The following LRRC7 variants were observed in gnomAD, a reference collection of about 807,000 sequenced individuals.
LRRC7 encodes leucine rich repeat containing 7, also known as leucine-rich repeat-containing protein 7.
Under a neutral mutation model 175.7 loss-of-function variants are expected in LRRC7, and 23 were observed. The ratio of observed to expected loss-of-function variants is 0.13; its 90% CI spans 0.09 to 0.19. LRRC7 has a LOEUF of 0.19. Ranked by LOEUF, LRRC7 falls within the 10% of genes least tolerant of loss-of-function variation. The pLI, the probability that LRRC7 is intolerant of heterozygous loss-of-function variation, is 1.00. For missense variants in LRRC7, 1,354 were observed against 1,904.7 expected, an observed-to-expected ratio of 0.71 and a Z score of 5.38; for synonymous variants, 685 against 680.9, an observed-to-expected ratio of 1.01 and a Z score of -0.09.
At chr1:70,009,965 A>T (rs1198073797) in intron 11 of LRRC7, among the ~76,000 whole-genome samples, 1 of 152,108 alleles carries the variant, frequency 6.6e-6, no homozygotes, top group Non-Finnish European at 1.5e-5. Flanking sequence ...TTCAACCCTT[A>T]GTGAGTATAA....
chr1:70,056,507 C>T (rs995154934), intron 23 of LRRC7, among the ~76,000 whole-genome samples: 2 of 152,270 alleles, frequency 1.3e-5, no homozygotes, highest in Admixed American at 6.5e-5. Flanking sequence ...TCTGCCCTCA[C>T]GCTGTTGGCT....
chr1:69,784,809 G>A (rs1247891282), intron 3 of LRRC7, among the ~76,000 whole-genome samples: 3 of 151,750 alleles, frequency 2.0e-5, no homozygotes, highest in South Asian at 4.2e-4. Context: ...TTTATTCTTT[G>A]GTGCATGAGT....
At chr1:70,060,316 C>T (rs968972967) in intron 23 of LRRC7, among the ~76,000 whole-genome samples, 13 of 151,586 alleles carry the variant, frequency 8.6e-5, no homozygotes, top group Non-Finnish European at 1.8e-4. Context: ...AAGAGCAAAA[C>T]TCCAACCCCA....
intron 8 of LRRC7, among the ~76,000 whole-genome samples, chr1:69,941,841 C>T (rs1026000630): frequency 6.6e-6 from 1 of 151,940 alleles, no homozygotes; most frequent in Non-Finnish European, 1.5e-5. Flanking sequence ...TGACAAACAT[C>T]GTGTAGTATT....
intron 5 of LRRC7, among the ~76,000 whole-genome samples, 199 bp downstream of exon 5, chr1:69,826,025 T>C (rs186794842): frequency 7.4e-4 from 113 of 152,222 alleles, no homozygotes; most frequent in Non-Finnish European, 4.9e-4. Context: ...GAAGACCCAA[T>C]TGGCAAAAGA....
chr1:69,790,092 T>C (rs1302507490), intron 3 of LRRC7, among the ~76,000 whole-genome samples: 2 of 152,016 alleles, frequency 1.3e-5, no homozygotes, highest in African/African-American at 2.4e-5. Flanking sequence ...TATGTGAAAA[T>C]ATGTGTGACT....
At chr1:70,075,817 T>C (rs1662730811) in intron 23 of LRRC7, among the ~76,000 whole-genome samples, 2 of 152,236 alleles carry the variant, frequency 1.3e-5, no homozygotes, top group African/African-American at 4.8e-5. Flanking sequence ...TGAATTTTCT[T>C]CCTTTAAAGT....
intron 7 of LRRC7, among the ~76,000 whole-genome samples, chr1:69,880,414 T>C (rs979137266): frequency 1.3e-5 from 2 of 152,066 alleles, no homozygotes; most frequent in Admixed American, 6.6e-5. Context: ...GAAAGAGACT[T>C]CTTTGGGTAG....
intron 11 of LRRC7, 133 bp from the exon 12 acceptor site, chr1:70,011,664 T>C (rs2101951603): frequency 1.7e-6 from 1 of 572,374 alleles, no homozygotes; most frequent in South Asian, 2.4e-5. Flanking sequence ...TCATTTGAAC[T>C]GGTAAATTAT....
intron 7 of LRRC7, among the ~76,000 whole-genome samples, chr1:69,896,739 C>T (rs1645990722): frequency 6.6e-6 from 1 of 152,042 alleles, no homozygotes; most frequent in African/African-American, 2.4e-5. Flanking sequence ...TCTTGTTACA[C>T]TATAAATTTT....
At chr1:69,837,268 C>T (rs192210699) in intron 6 of LRRC7, among the ~76,000 whole-genome samples, 21 of 151,946 alleles carry the variant, frequency 1.4e-4, no homozygotes, top group South Asian at 4.1e-4. Flanking sequence ...TTAAAATATG[C>T]GCCTTAGAGT....
At chr1:69,826,455 G>A (rs192948095) in intron 5 of LRRC7, among the ~76,000 whole-genome samples, 1 of 152,280 alleles carries the variant, frequency 6.6e-6, no homozygotes, top group African/African-American at 2.4e-5. Context: ...AGCATATGGA[G>A]TAGTGACAGA....
rs1426041534 is a variant in LRRC7 at position 70,124,729 on chromosome 1, TA to T, written c.*2850del. On this transcript the variant is annotated 3_prime_UTR_variant, in exon 27 of 27. Coordinates refer to ENST00000651989, the MANE Select transcript of LRRC7 (RefSeq NM_001370785.2). ...AATTAGAATCTGGTTATTTTAACAA[TA>T]AAAAAAAGTCAAGGGTGTGCCTTTT... 7.3e-6 allele frequency among the ~76,000 whole-genome samples: 1 copy of T among 136,572 alleles called. No individual in the cohort carries two copies. The highest frequency in any genetic ancestry group is 2.7e-5 in the African/African-American group (1 of 37,514). 89.6% of individuals were successfully genotyped at this position (136,572 alleles called of 152,430 possible).
chr1:69,772,121 CTAAA>C (rs1672309334), intron 3 of LRRC7, among the ~76,000 whole-genome samples: 1 of 151,306 alleles, frequency 6.6e-6, no homozygotes, highest in Admixed American at 6.6e-5. Context: ...AACTCCGCCT[CTAAA>C]TAAATAAATA....
At chr1:69,772,811 A>C (rs775003509) in intron 3 of LRRC7, among the ~76,000 whole-genome samples, 8 of 152,226 alleles carry the variant, frequency 5.3e-5, no homozygotes, top group Non-Finnish European at 1.0e-4. Context: ...GAGGAAAACA[A>C]GGAAAGAAGG....
chr1:69,784,487 C>T (rs191349302), intron 3 of LRRC7, among the ~76,000 whole-genome samples: 25 of 152,310 alleles, frequency 1.6e-4, no homozygotes, highest in Admixed American at 9.2e-4. Context: ...TCACAAAAGA[C>T]ATGGTTCCTC....
At chr1:69,925,689 C>T (rs1387053525) in intron 7 of LRRC7, among the ~76,000 whole-genome samples, 6 of 152,010 alleles carry the variant, frequency 3.9e-5, no homozygotes, top group Non-Finnish European at 7.4e-5. Flanking sequence ...TTCTTCTCTC[C>T]TTTCTTCTTT....
intron 1 of LRRC7, among the ~76,000 whole-genome samples, chr1:69,574,215 G>A (rs908406445): frequency 3.3e-5 from 5 of 152,012 alleles, no homozygotes; most frequent in African/African-American, 1.2e-4. Flanking sequence ...TAGAAAAGAG[G>A]TAGCTGACCT....
chr1:69,797,060 A>G (rs1675874634), intron 4 of LRRC7, among the ~76,000 whole-genome samples: 1 of 152,204 alleles, frequency 6.6e-6, no homozygotes, highest in South Asian at 2.1e-4. Context: ...TACCCAGTAT[A>G]CATGGTAGGC....
Sources: gnomAD v4.1 joint callset for allele counts (sites outside exome capture counted in the v4.1 genomes callset) on GRCh38, gnomAD v4.1.1 for gene constraint, MANE v1.5 for transcripts, NCBI Gene and HGNC (gene_info 2026-07-23, HGNC 2026-07-21) for gene names.